Variants in INSR observed in about 807,000 individuals in gnomAD.
INSR encodes the protein insulin receptor.
INSR carries 67 observed loss-of-function variants against 142.6 expected under a neutral mutation model. The ratio of observed to expected loss-of-function variants is 0.47; its 90% CI spans 0.39 to 0.58. INSR has a LOEUF of 0.58. Among genes scored for constraint, INSR ranks in the 20% least tolerant of loss-of-function variants. The pLI is 0.00. For missense variants in INSR, 1,248 were observed against 1,833.2 expected, an observed-to-expected ratio of 0.68 and a Z score of 5.83; for synonymous variants, 756 against 743.1, an observed-to-expected ratio of 1.02 and a Z score of -0.28.
chr19:7,163,313 C>T lies in INSR; in HGVS notation c.1862-114G>A, dbSNP rs1973805527. 1.7e-5 allele frequency: 19 copies of T among 1,093,716 alleles called. No homozygotes were observed. The South Asian group carries it at 2.4e-4, about 14-fold the overall frequency. The allele number at this position is 1,093,716 out of a possible 1,614,324, so 67.8% of individuals were successfully genotyped here. ...GACATCATGAGGGCACCCATCCCAG[C>T]ATTTTGGGCGGCCAAGGCAGGCGGA... On this transcript the variant is annotated intron_variant, in intron 8 of 21. Transcript: ENST00000302850.
chr19:7,208,177 G>A (rs1209913609), intron 2 of INSR, among the ~76,000 whole-genome samples: 1 of 152,026 alleles, frequency 6.6e-6, no homozygotes, highest in South Asian at 2.1e-4. Flanking sequence ...ACTATTCTGT[G>A]GCTGCCAGGA....
At chr19:7,174,180 T>C (rs1407130164) in intron 4 of INSR, among the ~76,000 whole-genome samples, 2 of 151,482 alleles carry the variant, frequency 1.3e-5, no homozygotes, top group Non-Finnish European at 2.9e-5. Flanking sequence ...TACTCCCAGC[T>C]ACTTGGGAGG....
intron 13 of INSR, among the ~76,000 whole-genome samples, chr19:7,135,234 G>C (rs1241485885): frequency 6.7e-6 from 1 of 149,542 alleles, no homozygotes; most frequent in South Asian, 2.1e-4. Context: ...TCACCGAGTA[G>C]AGAGGGACAA....
rs944857266 is a variant in INSR at position 7,125,855 on chromosome 19, G to A, written c.3014-328C>T. Among the ~76,000 whole-genome samples the A allele has an allele frequency of 2.0e-5, 3 of 152,062 alleles. No homozygotes were observed. Among genetic ancestry groups the A allele is most frequent in the Non-Finnish European group, 4.4e-5 (3 of 68,010 alleles). On this transcript the variant is annotated intron_variant, in intron 16 of 21. Coordinates refer to ENST00000302850, the MANE Select transcript of INSR (RefSeq NM_000208.4). The surrounding 1 kb of genome is among the most constrained non-coding windows in gnomAD (Gnocchi z 4.9). ...ATGCTACTTCCCACCTGAGACTACTGTTTCTGCAAAGTGCCAAGGGGATGG... is the reference window on the plus strand; with the variant it reads ...ATGCTACTTCCCACCTGAGACTACTATTTCTGCAAAGTGCCAAGGGGATGG...
At chr19:7,213,142 G>C (rs910182031) in intron 2 of INSR, among the ~76,000 whole-genome samples, 11 of 151,878 alleles carry the variant, frequency 7.2e-5, no homozygotes, top group African/African-American at 1.2e-4. Context: ...TCAGGAGATC[G>C]AGACCATCCT....
chr19:7,139,084 G>A lies in INSR; in HGVS notation c.2682+2593C>T, dbSNP rs1973006077. On this transcript the variant is annotated intron_variant, in intron 13 of 21. Transcript: ENST00000302850. ...TAAGAAGTGTTTGTATATGGGGCAT[G>A]TCCTTCCTTGCCTGGGCTAGCTCAC... Among the ~76,000 whole-genome samples the A allele has an allele frequency of 3.3e-5, 5 of 152,258 alleles. No homozygotes were observed. In the South Asian group the frequency reaches 1.0e-3, roughly 32 times the overall value.
chr19:7,293,806 A>G lies in INSR; in HGVS notation c.86T>C (p.Leu29Pro). The G allele has an allele frequency of 1.5e-6, 2 of 1,337,766 alleles. No individual in the cohort carries two copies. The highest frequency in any genetic ancestry group is 9.6e-7 in the Non-Finnish European group (1 of 1,038,430). The allele number at this position is 1,337,766 out of a possible 1,614,324, so 82.9% of individuals were successfully genotyped here. A position where few individuals can be genotyped will look rare whatever the true frequency, so the allele number is the denominator to read the frequency against. ...CCCAGACTCACCCTCTCCGGGGTAC[A>G]GGTGGCCCGCGGCGCCCAGTAGCAG... ...AALLLGAAGH[L>P]YPGEVCPGMD... Residue 29 changes from leucine to proline, a missense_variant, in exon 1 of 22, where the codon CTG (leucine) becomes CCG (proline). Around this residue, in one of 3 missense-constraint regions of INSR, gnomAD observed 57 missense variants for 49.5 expected, o/e 1.15. Coordinates refer to ENST00000302850, the MANE Select transcript of INSR (RefSeq NM_000208.4).
chr19:7,263,292 G>A (rs1199717945), intron 2 of INSR, among the ~76,000 whole-genome samples: 1 of 151,274 alleles, frequency 6.6e-6, no homozygotes, highest in African/African-American at 2.4e-5. Flanking sequence ...AAAAAAAAAA[G>A]TTAAGATGAA....
rs1972432121 is a variant in INSR, at chr19:7,119,687, C to T, written c.3660-104G>A. 8.2e-7 allele frequency: 1 copy of T among 1,222,744 alleles called. No individual in the cohort carries two copies. Among genetic ancestry groups the T allele is most frequent in the Non-Finnish European group, 1.2e-6 (1 of 843,866 alleles). 75.7% of individuals were successfully genotyped at this position (1,222,744 alleles called of 1,614,324 possible). A position where few individuals can be genotyped will look rare whatever the true frequency, so the allele number is the denominator to read the frequency against. Reference sequence around the variant, plus strand: ...GCAAACGCACACACACACGCAAACACACATGCCAACACATACATGCAAACA... The same window carrying T: ...GCAAACGCACACACACACGCAAACATACATGCCAACACATACATGCAAACA... On this transcript the variant is annotated intron_variant, in intron 20 of 21. Coordinates refer to ENST00000302850, the MANE Select transcript of INSR (RefSeq NM_000208.4). This position sits in a 1 kb window ranked among gnomAD's most constrained non-coding sequence, Gnocchi z 5.2.
At chr19:7,127,246 G>A (rs1972668006) in intron 15 of INSR, among the ~76,000 whole-genome samples, 1 of 152,072 alleles carries the variant, frequency 6.6e-6, no homozygotes, top group African/African-American at 2.4e-5. Context: ...ACACTTAAAA[G>A]CCACTCACCC....
At chr19:7,117,545 A>T in intron 21 of INSR, 135 bp from the exon 22 acceptor site, 1 of 643,916 alleles carries the variant, frequency 1.6e-6, no homozygotes, top group Non-Finnish European at 2.7e-6. Flanking sequence ...GTGTGTGTGG[A>T]CAATTGTCAA....
At chr19:7,145,747 A>T (rs1451597647) in intron 11 of INSR, among the ~76,000 whole-genome samples, 2 of 152,220 alleles carry the variant, frequency 1.3e-5, no homozygotes, top group Non-Finnish European at 2.9e-5. Context: ...GACGCTCTGC[A>T]AATAGCAATG....
chr19:7,273,201 G>A (rs1967972932), intron 1 of INSR, among the ~76,000 whole-genome samples: 1 of 152,118 alleles, frequency 6.6e-6, no homozygotes, highest in South Asian at 2.1e-4. Context: ...ATAATTGTAG[G>A]GAACAATCAA....
At chr19:7,238,357 C>T (rs567329532) in intron 2 of INSR, among the ~76,000 whole-genome samples, 13 of 152,170 alleles carry the variant, frequency 8.5e-5, no homozygotes, top group East Asian at 3.9e-4. Context: ...CAGTGGCTCA[C>T]GCCTGTAATC....
At position 7,168,297 on chromosome 19, in the gene INSR, C is replaced by T. The variant is rs548629381; in HGVS notation, c.1484-203G>A. On this transcript the variant is annotated intron_variant, in intron 6 of 21. Coordinates refer to ENST00000302850, the MANE Select transcript of INSR (RefSeq NM_000208.4). The surrounding 1 kb of genome is among the most constrained non-coding windows in gnomAD (Gnocchi z 4.3). The stretch of plus-strand genomic sequence containing the variant: ...AAGAGCCAGTTTTGCAACTTGGCCA[C>T]TCACACTCACGTAAGCCAATGACTT... 1.2e-4 allele frequency among the ~76,000 whole-genome samples: 18 copies of T among 152,242 alleles called. 1 individual carries two copies. The South Asian group carries it at 3.7e-3, about 32-fold the overall frequency.
At chr19:7,243,397 C>T (rs1976430305) in intron 2 of INSR, among the ~76,000 whole-genome samples, 1 of 151,944 alleles carries the variant, frequency 6.6e-6, no homozygotes. Context: ...AGGCGTGCGC[C>T]ACCACACCTG....
chr19:7,268,836 C>T (rs1195759579), intron 1 of INSR, among the ~76,000 whole-genome samples: 1 of 152,076 alleles, frequency 6.6e-6, no homozygotes, highest in Non-Finnish European at 1.5e-5. Flanking sequence ...TGTACCTTAG[C>T]TCCCTATTTC....
At chr19:7,276,879 C>T (rs1412825864) in intron 1 of INSR, among the ~76,000 whole-genome samples, 5 of 152,024 alleles carry the variant, frequency 3.3e-5, no homozygotes, top group African/African-American at 1.2e-4. Context: ...TACAGGCGCC[C>T]GCCACCACGC....
At chr19:7,283,200 T>A (rs534195089) in intron 1 of INSR, among the ~76,000 whole-genome samples, 68 of 151,884 alleles carry the variant, frequency 4.5e-4, no homozygotes, top group African/African-American at 1.6e-3. Context: ...CTCAAAAAAA[T>A]GTAAATGAAT....
Sources: gnomAD v4.1 joint callset for allele counts (sites outside exome capture counted in the v4.1 genomes callset) on GRCh38, gnomAD v4.1.1 for gene constraint, gnomAD v4.1.1 regional missense constraint, Gnocchi (gnomAD v3.1) non-coding constraint, MANE v1.5 for transcripts, NCBI Gene and HGNC (gene_info 2026-07-23, HGNC 2026-07-21) for gene names.